The following PTPRG variants were observed in gnomAD, a reference collection of about 807,000 sequenced individuals.
PTPRG encodes receptor-type tyrosine-protein phosphatase gamma.
PTPRG carries 102 observed loss-of-function variants against 165.3 expected under a neutral mutation model. The observed-to-expected ratio is 0.62, with a 90% CI of 0.53 to 0.73. The LOEUF is 0.73. Ranked by LOEUF, PTPRG falls within the 30% of genes least tolerant of loss-of-function variation. The probability of loss-of-function intolerance (pLI) is 0.00; values close to 1 mark genes in which losing one functional copy is unlikely to be tolerated. For synonymous variants in PTPRG, 675 were observed against 669.5 expected (o/e 1.01, Z -0.13); for missense variants, 1,866 against 1,861.4 (o/e 1.00, Z -0.05).
intron 2 of PTPRG, among the ~76,000 whole-genome samples, chr3:61,844,132 T>C (rs2036735981): frequency 6.6e-6 from 1 of 152,014 alleles, no homozygotes; most frequent in Non-Finnish European, 1.5e-5. Context: ...CCCGGCTATA[T>C]TTGTATTTTT....
intron 2 of PTPRG, among the ~76,000 whole-genome samples, chr3:61,772,731 A>G (rs2034246514): frequency 6.6e-6 from 1 of 152,212 alleles, no homozygotes; most frequent in South Asian, 2.1e-4. Flanking sequence ...CATTTCCTTC[A>G]TGATGGACAT....
chr3:61,699,047 C>T (rs1248251463), intron 1 of PTPRG, among the ~76,000 whole-genome samples: 1 of 152,008 alleles, frequency 6.6e-6, no homozygotes, highest in Admixed American at 6.6e-5. Flanking sequence ...GGAGGGATAG[C>T]ATTAGGAGAT....
chr3:61,768,726 C>A (rs567401924), intron 2 of PTPRG, among the ~76,000 whole-genome samples: 1 of 152,056 alleles, frequency 6.6e-6, no homozygotes, highest in African/African-American at 2.4e-5. Context: ...TGCACTTAGA[C>A]GTCCGATTAG....
chr3:61,771,487 C>T (rs1178829248), intron 2 of PTPRG: 2 of 151,978 alleles, frequency 1.3e-5, no homozygotes, highest in Non-Finnish European at 2.9e-5. Context: ...TGACATATGA[C>T]TTCTATGTGT....
intron 2 of PTPRG, among the ~76,000 whole-genome samples, chr3:61,824,475 C>T (rs549225432): frequency 6.6e-6 from 1 of 152,272 alleles, no homozygotes; most frequent in South Asian, 2.1e-4. Flanking sequence ...GCAGGGAAAA[C>T]CATAGCTGCA....
chr3:62,124,165 G>A, intron 5 of PTPRG: 1 of 691,432 alleles, frequency 1.4e-6, no homozygotes, highest in Non-Finnish European at 2.5e-6. Context: ...ATTTGTTGTT[G>A]TCGTTGTTGT....
At chr3:62,023,349 A>C (rs1332815028) in intron 4 of PTPRG, among the ~76,000 whole-genome samples, 1 of 151,946 alleles carries the variant, frequency 6.6e-6, no homozygotes, top group African/African-American at 2.4e-5. Context: ...ATTTACCTCA[A>C]CTCTTCATTA....
At chr3:62,153,814 T>C (rs1704434098) in intron 6 of PTPRG, among the ~76,000 whole-genome samples, 1 of 152,214 alleles carries the variant, frequency 6.6e-6, no homozygotes, top group Non-Finnish European at 1.5e-5. Context: ...GCGGAGCTGG[T>C]ATTTGAACCT....
intron 1 of PTPRG, among the ~76,000 whole-genome samples, chr3:61,640,780 A>T (rs1258371692): frequency 6.6e-6 from 1 of 152,236 alleles, no homozygotes. Context: ...TTGCTTTTGG[A>T]TATTTCACGT....
intron 2 of PTPRG, among the ~76,000 whole-genome samples, chr3:61,927,200 T>C (rs1241063154): frequency 6.7e-6 from 1 of 149,404 alleles, no homozygotes; most frequent in African/African-American, 2.6e-5. Context: ...CATAAAGAAC[T>C]TTTTTTTCCT....
intron 6 of PTPRG, among the ~76,000 whole-genome samples, chr3:62,138,438 G>A (rs1454849053): frequency 2.6e-5 from 4 of 152,246 alleles, no homozygotes; most frequent in South Asian, 2.1e-4. Flanking sequence ...ATGTGTGTGG[G>A]CCGGGTGCAG....
chr3:62,239,440 C>T (rs1319258339), intron 14 of PTPRG, among the ~76,000 whole-genome samples: 1 of 148,284 alleles, frequency 6.7e-6, no homozygotes, highest in African/African-American at 2.5e-5. Context: ...CGGCTCACTG[C>T]AACCTCTGCC....
chr3:61,706,647 G>A (rs2031275075), intron 1 of PTPRG, among the ~76,000 whole-genome samples: 1 of 151,708 alleles, frequency 6.6e-6, no homozygotes, highest in Admixed American at 6.6e-5. Flanking sequence ...GCGCTACCAC[G>A]CCCAGCTAAT....
chr3:61,769,387 C>T (rs1002611821), intron 2 of PTPRG: 2 of 152,224 alleles, frequency 1.3e-5, no homozygotes, highest in Non-Finnish European at 2.9e-5. Flanking sequence ...GATTGTTCCA[C>T]CTCAGCTTCC....
chr3:62,047,510 C>T (rs1299377685), intron 4 of PTPRG, among the ~76,000 whole-genome samples: 1 of 151,850 alleles, frequency 6.6e-6, no homozygotes, highest in African/African-American at 2.4e-5. Context: ...GATCTGCCCT[C>T]CCCAGCCTCC....
chr3:61,941,749 G>A (rs1395687751), intron 2 of PTPRG, among the ~76,000 whole-genome samples: 1 of 151,950 alleles, frequency 6.6e-6, no homozygotes, highest in Non-Finnish European at 1.5e-5. Flanking sequence ...TTTAAAAACA[G>A]TTTTTTTCAT....
chr3:61,754,483 T>C (rs1291070103), intron 2 of PTPRG, among the ~76,000 whole-genome samples: 2 of 152,214 alleles, frequency 1.3e-5, no homozygotes, highest in Non-Finnish European at 2.9e-5. Context: ...AAGTGTAGAA[T>C]CCTTGAAGAC....
At position 62,176,443 on chromosome 3, in the gene PTPRG, G is replaced by A. The variant is rs767475796; in HGVS notation, c.1033+8280G>A. 2.0e-4 allele frequency among the ~76,000 whole-genome samples: 31 copies of A among 152,128 alleles called. 2 individuals carry two copies. The highest frequency in any genetic ancestry group is 1.3e-3 in the Admixed American group (20 of 15,274). On this transcript the variant is annotated intron_variant, in intron 8 of 29. Transcript: ENST00000474889. ...CAATATTTCCATCATCCAAGGGACC[G>A]CCATCTTCCACAAGAACTTGCAAGT... is the stretch of plus-strand genomic sequence containing the variant.
rs1263137648 is a variant in PTPRG, at chr3:62,219,785, C to G, written c.2288+802C>G. Among the ~76,000 whole-genome samples, 2 of 152,228 alleles carry G rather than the reference C, an allele frequency of 1.3e-5. No homozygotes were observed. Among genetic ancestry groups the G allele is most frequent in the African/African-American group, 4.8e-5 (2 of 41,454 alleles). On this transcript the variant is annotated intron_variant, in intron 13 of 29. Coordinates refer to ENST00000474889, the MANE Select transcript of PTPRG (RefSeq NM_002841.4). The surrounding 1 kb of genome is among the most constrained non-coding windows in gnomAD (Gnocchi z 4.5). ...TGAGCCCACACTTTGTGCCAGTCTTCTAGACACAAATGATTTCTGAAGAAG... is the reference window on the plus strand; with the variant it reads ...TGAGCCCACACTTTGTGCCAGTCTTGTAGACACAAATGATTTCTGAAGAAG...
Sources: gnomAD v4.1 joint callset for allele counts (sites outside exome capture counted in the v4.1 genomes callset) on GRCh38, gnomAD v4.1.1 for gene constraint, Gnocchi (gnomAD v3.1) non-coding constraint, MANE v1.5 for transcripts, NCBI Gene and HGNC (gene_info 2026-07-23, HGNC 2026-07-21) for gene names.